The following PITPNC1 variants were observed in gnomAD, a reference collection of about 807,000 sequenced individuals.
PITPNC1 encodes the protein phosphatidylinositol transfer protein cytoplasmic 1.
A neutral mutation model predicts 44.7 loss-of-function variants in PITPNC1; 18 were observed. The ratio of observed to expected loss-of-function variants is 0.40; its 90% CI spans 0.28 to 0.60. The LOEUF (loss-of-function observed/expected upper bound fraction) is 0.60, where lower values mean the gene tolerates loss of function less well. Ranked by LOEUF, PITPNC1 falls within the 20% of genes least tolerant of loss-of-function variation. The pLI is 0.39. For synonymous variants in PITPNC1, 141 were observed against 149.6 expected (o/e 0.94, Z 0.42); for missense variants, 290 against 418.4 (o/e 0.69, Z 2.68).
intron 5 of PITPNC1, among the ~76,000 whole-genome samples, chr17:67,604,375 A>G (rs1464732929): frequency 6.6e-6 from 1 of 152,230 alleles, no homozygotes; most frequent in Non-Finnish European, 1.5e-5. Context: ...CTGGTGACAT[A>G]TGAAGGAGGG....
At chr17:67,425,189 GCGCGCACGCACACGCACA>G (rs1482537734) in intron 1 of PITPNC1, among the ~76,000 whole-genome samples, 2 of 41,612 alleles carry the variant, frequency 4.8e-5, no homozygotes, top group South Asian at 6.4e-4. Flanking sequence ...CATGTTGTGC[GCGCGCACGCACACGCACA>G]CACACACACA....
rs572089995 is a variant in PITPNC1, at chr17:67,382,668, A to C, written c.48+4466A>C. On this transcript the variant is annotated intron_variant, in intron 1 of 8. Coordinates refer to ENST00000581322, the MANE Select transcript of PITPNC1 (RefSeq NM_012417.4). ...GCCACACTCTCTCGCTCTGTCGCCC[A>C]GGCTGGAGTGCAGTGGGATGATTTC... 8.5e-4 allele frequency among the ~76,000 whole-genome samples: 129 copies of C among 152,280 alleles called. 1 individual carries two copies. The highest frequency in any genetic ancestry group is 2.7e-3 in the African/African-American group (114 of 41,562).
chr17:67,558,447 G>A (rs1021915816), intron 4 of PITPNC1, among the ~76,000 whole-genome samples: 3 of 150,618 alleles, frequency 2.0e-5, no homozygotes, highest in African/African-American at 4.9e-5. Flanking sequence ...CAAAGGAGTT[G>A]ATTTTGTTTT....
intron 1 of PITPNC1, among the ~76,000 whole-genome samples, chr17:67,474,072 G>C (rs932810679): frequency 2.0e-5 from 3 of 152,184 alleles, no homozygotes; most frequent in Non-Finnish European, 4.4e-5. Context: ...ACCTAACTGT[G>C]AGCCAGGTAG....
chr17:67,507,007 A>C (rs9908834), intron 1 of PITPNC1, among the ~76,000 whole-genome samples: 64,058 of 151,956 alleles, frequency 0.42, 14,257 homozygotes, highest in East Asian at 0.62. Flanking sequence ...TAATCAGTTG[A>C]TAGTATGGTG....
intron 1 of PITPNC1, among the ~76,000 whole-genome samples, chr17:67,462,052 C>T (rs905049189): frequency 8.6e-5 from 13 of 152,010 alleles, no homozygotes; most frequent in African/African-American, 2.7e-4. Context: ...TTTGCTTTCA[C>T]AACATGCCTC....
intron 1 of PITPNC1, among the ~76,000 whole-genome samples, chr17:67,478,821 T>C (rs1568006792): frequency 6.6e-6 from 1 of 151,912 alleles, no homozygotes; most frequent in Non-Finnish European, 1.5e-5. Flanking sequence ...ACTTGGCCAA[T>C]GCTCACTCCT....
chr17:67,574,036 A>G (rs1464781290), intron 4 of PITPNC1, among the ~76,000 whole-genome samples: 1 of 152,208 alleles, frequency 6.6e-6, no homozygotes, highest in Non-Finnish European at 1.5e-5. Context: ...GATGCAAATA[A>G]TCAATGAAAC....
chr17:67,465,055 A>G (rs984749981), intron 1 of PITPNC1, among the ~76,000 whole-genome samples: 5 of 152,164 alleles, frequency 3.3e-5, no homozygotes, highest in African/African-American at 1.2e-4. Context: ...CTCACTTTTA[A>G]TTGACTGTGC....
intron 8 of PITPNC1, among the ~76,000 whole-genome samples, chr17:67,690,213 T>C (rs2144476086): frequency 6.6e-6 from 1 of 152,214 alleles, no homozygotes; most frequent in South Asian, 2.1e-4. Context: ...TTTGGGAGGC[T>C]GAGGTGGACG....
intron 1 of PITPNC1, among the ~76,000 whole-genome samples, chr17:67,438,932 C>T (rs944583642): frequency 5.9e-5 from 9 of 152,154 alleles, no homozygotes; most frequent in Admixed American, 2.6e-4. Context: ...TTGGCCTGTC[C>T]TGTAGAAAGG....
At chr17:67,420,432 T>C (rs371477616) in intron 1 of PITPNC1, among the ~76,000 whole-genome samples, 1 of 149,656 alleles carries the variant, frequency 6.7e-6, no homozygotes, top group African/African-American at 2.4e-5. Flanking sequence ...CTCTTCTCTT[T>C]TCTTTTCTTT....
At chr17:67,425,186 T>TGTGCGC (rs1447478316) in intron 1 of PITPNC1, among the ~76,000 whole-genome samples, 8 of 55,722 alleles carry the variant, frequency 1.4e-4, no homozygotes, top group East Asian at 5.2e-4. Context: ...AGCCATGTTG[T>TGTGCGC]GCGCGCGCAC....
At chr17:67,459,757 T>C (rs1480934511) in intron 1 of PITPNC1, 1 of 152,266 alleles carries the variant, frequency 6.6e-6, no homozygotes, top group Non-Finnish European at 1.5e-5. Context: ...TTACCCGTTA[T>C]CAGAAAAGCG....
intron 1 of PITPNC1, among the ~76,000 whole-genome samples, chr17:67,500,347 C>T (rs999796335): frequency 3.0e-4 from 46 of 152,116 alleles, no homozygotes; most frequent in African/African-American, 1.1e-3. Context: ...ATATATGCTA[C>T]AACATGGATG....
chr17:67,593,892 C>T (rs1481841446), intron 5 of PITPNC1, among the ~76,000 whole-genome samples: 14 of 152,100 alleles, frequency 9.2e-5, no homozygotes, highest in African/African-American at 2.4e-4. Flanking sequence ...ATACAGTGTA[C>T]GTCACTTAAA....
chr17:67,678,149 G>A (rs2042637472), intron 8 of PITPNC1, among the ~76,000 whole-genome samples: 1 of 151,932 alleles, frequency 6.6e-6, no homozygotes. Context: ...CCAGGAGCTG[G>A]AGGCTGCAGT....
chr17:67,641,294 G>A (rs2042090053), intron 6 of PITPNC1, among the ~76,000 whole-genome samples: 1 of 152,144 alleles, frequency 6.6e-6, no homozygotes, highest in Admixed American at 6.6e-5. Flanking sequence ...ACACAAAACA[G>A]AGCAAATCTC....
chr17:67,455,105 G>A (rs1432266741), intron 1 of PITPNC1, among the ~76,000 whole-genome samples: 1 of 152,104 alleles, frequency 6.6e-6, no homozygotes, highest in Admixed American at 6.5e-5. Context: ...ACAGGTGTGA[G>A]CCTCTGTACC....
Sources: allele counts gnomAD v4.1 joint callset (sites outside exome capture counted in the v4.1 genomes callset), GRCh38; gene constraint gnomAD v4.1.1; transcripts MANE v1.5; gene names NCBI Gene and HGNC (gene_info 2026-07-23, HGNC 2026-07-21).